Variants in HEMK2 observed in about 807,000 individuals in gnomAD.
The protein encoded by HEMK2 is methyltransferase HEMK2.
chr21:28,788,356 T>C, the HEMK2 span, among the ~76,000 whole-genome samples: 6 of 151,558 alleles, frequency 4.0e-5, no homozygotes, highest in Admixed American at 1.3e-4. Context: ...TAAATAGAAA[T>C]GAATTAACAG....
the HEMK2 span, among the ~76,000 whole-genome samples, chr21:28,822,677 C>A: frequency 6.6e-6 from 1 of 151,990 alleles, no homozygotes; most frequent in Non-Finnish European, 1.5e-5. Context: ...CCAGCTGGAG[C>A]CATTCCTTTC....
At chr21:28,627,973 AGGGT>A in the HEMK2 span, among the ~76,000 whole-genome samples, 249 of 152,288 alleles carry the variant, frequency 1.6e-3, 1 homozygote, top group South Asian at 1.0e-2. Flanking sequence ...AAACCTCTAG[AGGGT>A]ATTTAAACCC....
chr21:28,602,763 G>A, the HEMK2 span, among the ~76,000 whole-genome samples: 1 of 152,198 alleles, frequency 6.6e-6, no homozygotes, highest in Non-Finnish European at 1.5e-5. Context: ...CTTGGGGGCA[G>A]GAATGATTAG....
chr21:28,617,060 A>C, the HEMK2 span, among the ~76,000 whole-genome samples: 1 of 152,238 alleles, frequency 6.6e-6, no homozygotes, highest in African/African-American at 2.4e-5. Context: ...TAAACAAGAA[A>C]AATAAGACTT....
chr21:28,854,239 A>G, the HEMK2 span, among the ~76,000 whole-genome samples: 250 of 152,324 alleles, frequency 1.6e-3, no homozygotes, highest in African/African-American at 5.4e-3. Context: ...CCAATGCATC[A>G]GGAATGTCAA....
At chr21:28,771,295 G>A in the HEMK2 span, among the ~76,000 whole-genome samples, 1 of 152,092 alleles carries the variant, frequency 6.6e-6, no homozygotes, top group Admixed American at 6.5e-5. Context: ...TACGATTCAG[G>A]GAGAGATGAT....
the HEMK2 span, among the ~76,000 whole-genome samples, chr21:28,725,026 C>T: frequency 3.0e-4 from 45 of 152,164 alleles, no homozygotes; most frequent in Non-Finnish European, 5.7e-4. Context: ...TCAAGCAATC[C>T]GCCCTCCTTG....
chr21:28,615,708 CACTAGAACT>C, the HEMK2 span, among the ~76,000 whole-genome samples: 1 of 152,168 alleles, frequency 6.6e-6, no homozygotes, highest in Non-Finnish European at 1.5e-5. Flanking sequence ...AAAGTGAAAT[CACTAGAACT>C]ACAGTCCATA....
the HEMK2 span, among the ~76,000 whole-genome samples, chr21:28,772,179 G>A: frequency 6.6e-6 from 1 of 152,036 alleles, no homozygotes; most frequent in African/African-American, 2.4e-5. Context: ...AAATCCCATG[G>A]GCTTCAGTAC....
the HEMK2 span, among the ~76,000 whole-genome samples, chr21:28,870,830 T>C: frequency 6.6e-6 from 1 of 152,254 alleles, no homozygotes; most frequent in African/African-American, 2.4e-5. Context: ...AGATTAGCTA[T>C]ATCATATTGA....
chr21:28,869,610 C>T, the HEMK2 span, among the ~76,000 whole-genome samples: 1 of 152,296 alleles, frequency 6.6e-6, no homozygotes, highest in South Asian at 2.1e-4. Context: ...GCTCGAAAAT[C>T]TCTCATGCAT....
the HEMK2 span, among the ~76,000 whole-genome samples, chr21:28,789,482 A>G: frequency 6.6e-6 from 1 of 152,332 alleles, no homozygotes; most frequent in East Asian, 1.9e-4. Context: ...ATGAAATGTT[A>G]TGCTATTTTC....
the HEMK2 span, among the ~76,000 whole-genome samples, chr21:28,666,885 G>A: frequency 1.3e-5 from 2 of 152,008 alleles, no homozygotes; most frequent in Non-Finnish European, 2.9e-5. Flanking sequence ...TCTATATTAT[G>A]GGAACAAATA....
At chr21:28,596,334 T>C in the HEMK2 span, among the ~76,000 whole-genome samples, 21 of 152,296 alleles carry the variant, frequency 1.4e-4, no homozygotes, top group African/African-American at 4.8e-4. Context: ...GTTCTTATTA[T>C]TATATTTTTT....
chr21:28,692,732 A>AG, the HEMK2 span, among the ~76,000 whole-genome samples: 1 of 152,220 alleles, frequency 6.6e-6, no homozygotes, highest in Non-Finnish European at 1.5e-5. Context: ...ATTATTCATG[A>AG]TAACCAAAAA....
the HEMK2 span, among the ~76,000 whole-genome samples, chr21:28,810,079 C>T: frequency 6.6e-6 from 1 of 152,154 alleles, no homozygotes; most frequent in East Asian, 1.9e-4. Flanking sequence ...ATTCCCTCAG[C>T]CCAGTGCTAA....
chr21:28,882,957 A>C, the HEMK2 span: 1 of 1,415,136 alleles, frequency 7.1e-7, no homozygotes, highest in East Asian at 2.4e-5. Context: ...CTGTCAGTGG[A>C]AGATCTAGAT....
chr21:28,833,327 G>A, the HEMK2 span, among the ~76,000 whole-genome samples: 1 of 152,338 alleles, frequency 6.6e-6, no homozygotes, highest in Non-Finnish European at 1.5e-5. Flanking sequence ...CTCCAGAGAT[G>A]TGATGTGGAG....
the HEMK2 span, among the ~76,000 whole-genome samples, chr21:28,798,648 G>GA: frequency 6.6e-6 from 1 of 152,096 alleles, no homozygotes; most frequent in Non-Finnish European, 1.5e-5. Context: ...GCCTGGACAG[G>GA]AAAAGAAATG....
Sources: allele counts gnomAD v4.1 joint callset (sites outside exome capture counted in the v4.1 genomes callset), GRCh38; gene constraint gnomAD v4.1.1; transcripts MANE v1.5; gene names NCBI Gene and HGNC (gene_info 2026-07-23, HGNC 2026-07-21).